Variants in LUZP2 observed in about 807,000 individuals in gnomAD.
LUZP2 encodes the protein leucine zipper protein 2.
In LUZP2, 52 loss-of-function variants were observed where a neutral mutation model predicts 51.6. The observed-to-expected ratio is 1.01, with a 90% CI of 0.81 to 1.27. The LOEUF (loss-of-function observed/expected upper bound fraction) is 1.27. Ranked by LOEUF, LUZP2 falls within the 50% of genes most tolerant of loss-of-function variation. The pLI is 0.00. For missense variants in LUZP2, 436 were observed against 395.4 expected, an observed-to-expected ratio of 1.10 and a Z score of -0.87; for synonymous variants, 154 against 137.3, an observed-to-expected ratio of 1.12 and a Z score of -0.85.
At chr11:24,956,661 A>G (rs544914203) in intron 7 of LUZP2, among the ~76,000 whole-genome samples, 217 of 152,236 alleles carry the variant, frequency 1.4e-3, no homozygotes, top group Non-Finnish European at 2.1e-3. Context: ...ACAGGAAATA[A>G]AGATTTTGGT....
chr11:24,824,069 A>C (rs988243982), intron 5 of LUZP2, among the ~76,000 whole-genome samples: 1 of 150,666 alleles, frequency 6.6e-6, no homozygotes, highest in Non-Finnish European at 1.5e-5. Context: ...TCTAAAAAAA[A>C]AGAGTGGTAC....
At chr11:24,804,717 G>A (rs12576120) in intron 5 of LUZP2, among the ~76,000 whole-genome samples, 1,636 of 152,232 alleles carry the variant, frequency 0.011, 29 homozygotes, top group East Asian at 0.058. Flanking sequence ...TTCTTTTATT[G>A]CCTGCTTCAG....
chr11:24,556,085 G>A (rs1191686664), intron 1 of LUZP2, among the ~76,000 whole-genome samples: 1 of 152,178 alleles, frequency 6.6e-6, no homozygotes, highest in Non-Finnish European at 1.5e-5. Flanking sequence ...CTCTATATGA[G>A]TGACTGATGA....
At chr11:24,940,080 T>C (rs943778620) in intron 7 of LUZP2, among the ~76,000 whole-genome samples, 2 of 151,578 alleles carry the variant, frequency 1.3e-5, no homozygotes, top group Non-Finnish European at 1.5e-5. Flanking sequence ...ATGGTGAATA[T>C]AGAAAAAAAG....
intron 1 of LUZP2, among the ~76,000 whole-genome samples, chr11:24,639,815 G>C (rs894350422): frequency 6.6e-6 from 1 of 151,732 alleles, no homozygotes; most frequent in Non-Finnish European, 1.5e-5. Context: ...GTAATATGTG[G>C]ACATTCTCTC....
chr11:24,805,293 C>T (rs1849821097), intron 5 of LUZP2, among the ~76,000 whole-genome samples: 2 of 152,002 alleles, frequency 1.3e-5, no homozygotes, highest in East Asian at 3.9e-4. Context: ...AGGAAAGACC[C>T]AGCCCCATGA....
chr11:24,890,820 A>G lies in LUZP2; in HGVS notation c.397-15171A>G, dbSNP rs1852828362. 4.1e-6 allele frequency: 3 copies of G among 739,300 alleles called. No homozygotes were observed. In the African/African-American group the frequency reaches 5.8e-5, roughly 14 times the overall value. The allele number at this position is 739,300 out of a possible 1,614,324, so 45.8% of individuals were successfully genotyped here. A position where few individuals can be genotyped will look rare whatever the true frequency, so the allele number is the denominator to read the frequency against. The stretch of plus-strand genomic sequence containing the variant: ...ATGTACATATTTATATGAATATGCT[A>G]ACAGAAATTTCTAAAATCACATATA... On this transcript the variant is annotated intron_variant, in intron 5 of 11. Coordinates refer to ENST00000336930, the MANE Select transcript of LUZP2 (RefSeq NM_001009909.4).
intron 5 of LUZP2, among the ~76,000 whole-genome samples, chr11:24,846,764 G>C (rs561087353): frequency 6.6e-6 from 1 of 151,928 alleles, no homozygotes; most frequent in Admixed American, 6.6e-5. Context: ...ACAATAATCC[G>C]CAGTTATTTG....
chr11:24,765,881 C>T (rs925320458), intron 5 of LUZP2, among the ~76,000 whole-genome samples: 1 of 152,044 alleles, frequency 6.6e-6, no homozygotes. Flanking sequence ...CTGCCTAGGC[C>T]TCCCAAAGTG....
At chr11:24,515,064 CTAT>C (rs751784458) in intron 1 of LUZP2, among the ~76,000 whole-genome samples, 3 of 152,190 alleles carry the variant, frequency 2.0e-5, no homozygotes, top group Non-Finnish European at 4.4e-5. Flanking sequence ...GCTAGAAGGT[CTAT>C]TATTTACCAT....
At chr11:24,601,766 T>G (rs1853644637) in intron 1 of LUZP2, among the ~76,000 whole-genome samples, 1 of 150,738 alleles carries the variant, frequency 6.6e-6, no homozygotes, top group Non-Finnish European at 1.5e-5. Flanking sequence ...CTCTTAGAAT[T>G]TCTGACTTAA....
At chr11:24,648,126 G>A (rs1343486019) in intron 1 of LUZP2, among the ~76,000 whole-genome samples, 1 of 151,874 alleles carries the variant, frequency 6.6e-6, no homozygotes, top group East Asian at 1.9e-4. Flanking sequence ...AAAAAATGCT[G>A]TTTAAATGCA....
At chr11:24,714,917 T>C (rs1427104287) in intron 1 of LUZP2, among the ~76,000 whole-genome samples, 1 of 152,170 alleles carries the variant, frequency 6.6e-6, no homozygotes, top group South Asian at 2.1e-4. Context: ...CAGTTTACAC[T>C]GTCAGAAGAG....
chr11:25,048,187 A>G (rs1858380593), intron 9 of LUZP2, among the ~76,000 whole-genome samples: 1 of 152,118 alleles, frequency 6.6e-6, no homozygotes, highest in Non-Finnish European at 1.5e-5. Context: ...AGTATTTTAA[A>G]TCATGCTTAT....
chr11:24,860,462 G>T (rs1056057880), intron 5 of LUZP2, among the ~76,000 whole-genome samples: 1 of 152,064 alleles, frequency 6.6e-6, no homozygotes, highest in Non-Finnish European at 1.5e-5. Flanking sequence ...TCATTAAATG[G>T]GTCCTGTTCC....
intron 1 of LUZP2, among the ~76,000 whole-genome samples, chr11:24,589,863 T>A (rs1043875813): frequency 6.6e-6 from 1 of 152,190 alleles, no homozygotes; most frequent in Non-Finnish European, 1.5e-5. Flanking sequence ...AAACGGAACA[T>A]TTTCAGTTCT....
intron 10 of LUZP2, among the ~76,000 whole-genome samples, 161 bp downstream of exon 10, chr11:25,050,291 CTTTTTTTTTTTTTTTT>C (rs71044331): frequency 5.2e-5 from 4 of 77,154 alleles, no homozygotes; most frequent in Admixed American, 5.1e-4. Context: ...TCTTTATGTT[CTTTTTTTTTTTTTTTT>C]TTTTTTTTTT....
intron 8 of LUZP2, among the ~76,000 whole-genome samples, chr11:24,980,605 T>C (rs933834130): frequency 1.5e-4 from 22 of 151,656 alleles, no homozygotes; most frequent in Admixed American, 1.2e-3. Flanking sequence ...AAAAGTTTGT[T>C]AAAAGTGAAC....
intron 7 of LUZP2, among the ~76,000 whole-genome samples, chr11:24,963,780 C>T (rs532593100): frequency 4.3e-4 from 65 of 152,260 alleles, no homozygotes; most frequent in Admixed American, 1.9e-3. Context: ...CACTGACCTG[C>T]GCCCACTGTC....
Sources: gnomAD v4.1 joint callset for allele counts (sites outside exome capture counted in the v4.1 genomes callset) on GRCh38, gnomAD v4.1.1 for gene constraint, MANE v1.5 for transcripts, NCBI Gene and HGNC (gene_info 2026-07-23, HGNC 2026-07-21) for gene names.